CHRM3: variants seen among roughly 807,000 people sequenced by gnomAD.
The protein encoded by CHRM3 is muscarinic acetylcholine receptor M3.
Under a neutral mutation model 41.8 loss-of-function variants are expected in CHRM3, and 11 were observed. The observed-to-expected ratio is 0.26, with a 90% CI of 0.17 to 0.44. The LOEUF (loss-of-function observed/expected upper bound fraction) is 0.44. CHRM3 is among the 20% of genes least tolerant of loss of function. The probability of loss-of-function intolerance (pLI) is 1.00; values close to 1 mark genes in which losing one functional copy is unlikely to be tolerated. For synonymous variants in CHRM3, 297 were observed against 301.4 expected (o/e 0.99, Z 0.15); for missense variants, 571 against 745.4 (o/e 0.77, Z 2.72).
chr1:239,525,829 C>G (rs1310612161), intron 2 of CHRM3, among the ~76,000 whole-genome samples: 2 of 152,200 alleles, frequency 1.3e-5, no homozygotes, highest in African/African-American at 4.8e-5. Flanking sequence ...CTTTCCACAG[C>G]CTGTTGCTTC....
Position 239,405,541 on chromosome 1 carries a change from G to A in CHRM3, c.-521+18314G>A, listed in dbSNP as rs555722439. 1.8e-4 allele frequency among the ~76,000 whole-genome samples: 28 copies of A among 152,146 alleles called. No individual in the cohort carries two copies. The South Asian group carries it at 5.8e-3, about 32-fold the overall frequency. ...GGACAGTTTGGCCAATTAGACTTGA[G>A]GTCTTCTCTAGGCTTCACTGTTTCC... On this transcript the variant is annotated intron_variant, in intron 1 of 6. Coordinates refer to ENST00000676153, the MANE Select transcript of CHRM3 (RefSeq NM_001375978.1).
intron 5 of CHRM3, among the ~76,000 whole-genome samples, chr1:239,761,812 C>T (rs2148659742): frequency 6.6e-6 from 1 of 152,276 alleles, no homozygotes; most frequent in African/African-American, 2.4e-5. Context: ...ATCAGTTGCA[C>T]CGGACAGATG....
chr1:239,433,865 C>G (rs6696246), intron 1 of CHRM3, among the ~76,000 whole-genome samples: 87,349 of 151,882 alleles, frequency 0.58, 25,477 homozygotes, highest in African/African-American at 0.64. Context: ...CTCGTTGATC[C>G]ATGGGCATTT....
At chr1:239,620,577 G>C (rs915671232) in intron 3 of CHRM3, among the ~76,000 whole-genome samples, 2 of 151,934 alleles carry the variant, frequency 1.3e-5, no homozygotes, top group African/African-American at 4.8e-5. Context: ...AACTGTTTTG[G>C]TAAGTAATCT....
At chr1:239,544,748 G>A (rs1659124181) in intron 2 of CHRM3, among the ~76,000 whole-genome samples, 1 of 152,136 alleles carries the variant, frequency 6.6e-6, no homozygotes. Flanking sequence ...ATACAAAGAC[G>A]AGTAGAATAC....
intron 6 of CHRM3, among the ~76,000 whole-genome samples, chr1:239,906,855 T>A (rs1445421914): frequency 6.6e-6 from 1 of 152,214 alleles, no homozygotes; most frequent in Non-Finnish European, 1.5e-5. Context: ...AAGGAACGGA[T>A]GTCTTACTTT....
At chr1:239,398,856 G>A (rs1572157105) in intron 1 of CHRM3, among the ~76,000 whole-genome samples, 1 of 151,980 alleles carries the variant, frequency 6.6e-6, no homozygotes, top group East Asian at 1.9e-4. Flanking sequence ...TTTAATATAA[G>A]CATTCTCAGA....
At chr1:239,413,702 T>C (rs1236029612) in intron 1 of CHRM3, among the ~76,000 whole-genome samples, 1 of 152,202 alleles carries the variant, frequency 6.6e-6, no homozygotes, top group Non-Finnish European at 1.5e-5. Context: ...CTTATCTGGA[T>C]TATTTAGTTA....
intron 6 of CHRM3, among the ~76,000 whole-genome samples, chr1:239,871,475 T>C (rs995861174): frequency 1.3e-5 from 2 of 152,044 alleles, no homozygotes; most frequent in African/African-American, 4.8e-5. Context: ...CTCTTGACGT[T>C]GTCATCTGCC....
intron 5 of CHRM3, among the ~76,000 whole-genome samples, chr1:239,750,806 G>C (rs1383063148): frequency 6.6e-6 from 1 of 152,136 alleles, no homozygotes; most frequent in Non-Finnish European, 1.5e-5. Flanking sequence ...ATGTTTTCTG[G>C]TTGGTAGGGC....
rs994156007 is a variant in CHRM3 at position 239,744,483 on chromosome 1, C to T, written c.-147+66195C>T. On this transcript the variant is annotated intron_variant, in intron 5 of 6. Coordinates refer to ENST00000676153, the MANE Select transcript of CHRM3 (RefSeq NM_001375978.1). ...AACCTGGAGAAGTTGAGGGAGCGGCCGGTGGCTATGGGGGAGGGACCTTTC... is the reference window on the plus strand; with the variant it reads ...AACCTGGAGAAGTTGAGGGAGCGGCTGGTGGCTATGGGGGAGGGACCTTTC... 3.3e-5 allele frequency among the ~76,000 whole-genome samples: 5 copies of T among 151,906 alleles called. No individual in the cohort carries two copies. The East Asian group carries it at 7.8e-4, about 24-fold the overall frequency.
intron 6 of CHRM3, among the ~76,000 whole-genome samples, chr1:239,890,003 C>T (rs1678410090): frequency 6.6e-6 from 1 of 152,024 alleles, no homozygotes. Context: ...ACAAGAGGAC[C>T]CCACAGTAGT....
intron 1 of CHRM3, among the ~76,000 whole-genome samples, chr1:239,442,393 C>T (rs1430944254): frequency 3.9e-5 from 6 of 152,052 alleles, no homozygotes; most frequent in East Asian, 1.9e-4. Context: ...AGGCGTGAGC[C>T]GCTGCACCCG....
At chr1:239,752,931 G>T (rs1421176402) in intron 5 of CHRM3, among the ~76,000 whole-genome samples, 5 of 152,040 alleles carry the variant, frequency 3.3e-5, no homozygotes, top group Non-Finnish European at 7.4e-5. Flanking sequence ...AAAATGTGAA[G>T]CTTCAAGATA....
Position 239,909,032 on chromosome 1 carries a change from T to C in CHRM3, c.1581T>C (p.Asn527=). The C allele has an allele frequency of 3.7e-6, 6 of 1,614,162 alleles. No individual in the cohort carries two copies. Among genetic ancestry groups the C allele is most frequent in the Non-Finnish European group, 5.1e-6 (6 of 1,180,026 alleles). ...GCTGCATACCCAAAACCTTTTGGAA[T>C]CTGGGCTACTGGCTGTGCTACATCA... is the stretch of plus-strand genomic sequence containing the variant. ...CDSCIPKTFW[N]LGYWLCYINS... Residue 527 remains asparagine, a synonymous_variant, in exon 7 of 7, where the codon AAT becomes AAC. Coordinates refer to ENST00000676153, the MANE Select transcript of CHRM3 (RefSeq NM_001375978.1).
At chr1:239,542,038 A>T (rs547510551) in intron 2 of CHRM3, among the ~76,000 whole-genome samples, 1 of 152,168 alleles carries the variant, frequency 6.6e-6, no homozygotes, top group Admixed American at 6.5e-5. Context: ...AGGCCGGTAG[A>T]TAGGCAGAAA....
intron 1 of CHRM3, among the ~76,000 whole-genome samples, chr1:239,423,824 G>A (rs1391203233): frequency 1.3e-5 from 2 of 151,994 alleles, no homozygotes; most frequent in Non-Finnish European, 2.9e-5. Flanking sequence ...GTGGGGCCGA[G>A]GCGGGTGGAT....
chr1:239,719,950 C>G (rs1662770414), intron 5 of CHRM3, among the ~76,000 whole-genome samples: 1 of 151,948 alleles, frequency 6.6e-6, no homozygotes, highest in African/African-American at 2.4e-5. Context: ...GTGTGTTTGG[C>G]ACCTGGGATG....
At chr1:239,861,489 T>G (rs898732113) in intron 6 of CHRM3, among the ~76,000 whole-genome samples, 5 of 152,028 alleles carry the variant, frequency 3.3e-5, no homozygotes, top group African/African-American at 1.2e-4. Flanking sequence ...GAAAGATGAT[T>G]GAGGCATTAG....
Sources: allele counts gnomAD v4.1 joint callset (sites outside exome capture counted in the v4.1 genomes callset), GRCh38; gene constraint gnomAD v4.1.1; transcripts MANE v1.5; gene names NCBI Gene and HGNC (gene_info 2026-07-23, HGNC 2026-07-21).